The following APLF variants were observed in gnomAD, a reference collection of about 807,000 sequenced individuals.
APLF encodes aprataxin and PNKP like factor.
In APLF, 61 loss-of-function variants were observed where a neutral mutation model predicts 55.6. That is an observed-to-expected ratio of 1.10 (90% CI 0.89 to 1.36). The LOEUF (loss-of-function observed/expected upper bound fraction) is 1.36, where lower values mean the gene tolerates loss of function less well. Among genes scored for constraint, APLF ranks in the 40% most tolerant of loss-of-function variants. The pLI, the probability that APLF is intolerant of heterozygous loss-of-function variation, is 0.00. For missense variants in APLF, 611 were observed against 602.5 expected, an observed-to-expected ratio of 1.01 and a Z score of -0.15; for synonymous variants, 207 against 214.8, an observed-to-expected ratio of 0.96 and a Z score of 0.32.
intron 1 of APLF, among the ~76,000 whole-genome samples, chr2:68,481,384 T>TTTGTTTTGTTTTTG (rs1359145048): frequency 2.0e-5 from 3 of 146,886 alleles, no homozygotes; most frequent in East Asian, 4.0e-4. Flanking sequence ...TTTGTTTTGT[T>TTTGTTTTGTTTTTG]TTTGTTTGTT....
At chr2:68,491,827 C>T (rs1676369404) in intron 2 of APLF, among the ~76,000 whole-genome samples, 1 of 152,142 alleles carries the variant, frequency 6.6e-6, no homozygotes, top group Non-Finnish European at 1.5e-5. Context: ...CCACTGTGTC[C>T]ATGTCAGCAC....
In APLF at chr2:68,577,838, A is replaced by T. The variant is rs1236734718; in HGVS notation, c.1352A>T (p.Glu451Val). The T allele has an allele frequency of 6.2e-7, 1 of 1,613,232 alleles. No homozygotes were observed. The highest frequency in any genetic ancestry group is 1.3e-5 in the African/African-American group (1 of 74,858). ...TTTGCAGTGAGAAATGTTTTAGATGAAGATAATGATAATGTTGGGCAACCC... is the reference window on the plus strand; with the variant it reads ...TTTGCAGTGAGAAATGTTTTAGATGTAGATAATGATAATGTTGGGCAACCC... ...NTLPVRNVLDEDNDNVGQPNE... is the reference protein window; with the variant it reads ...NTLPVRNVLDVDNDNVGQPNE... The change falls in exon 10 of 10, where the codon GAA becomes GTA. Residue 451 changes from glutamate (E) to valine (V), a missense_variant. Physicochemically the swap from Glu to Val is moderately radical, Grantham distance 121. Transcript: ENST00000303795.
chr2:68,512,905 A>G (rs1024929256), intron 3 of APLF, among the ~76,000 whole-genome samples, 175 bp from the exon 4 acceptor site: 2 of 151,762 alleles, frequency 1.3e-5, no homozygotes, highest in East Asian at 3.9e-4. Flanking sequence ...TTTTATGGCA[A>G]TACAGCAGGT....
At chr2:68,531,094 C>G (rs994144907) in intron 6 of APLF, among the ~76,000 whole-genome samples, 2 of 152,186 alleles carry the variant, frequency 1.3e-5, no homozygotes, top group African/African-American at 2.4e-5. Context: ...GACAGTATTT[C>G]TAGACCTTCT....
chr2:68,540,942 A>G (rs1670530529), intron 7 of APLF, among the ~76,000 whole-genome samples: 1 of 152,210 alleles, frequency 6.6e-6, no homozygotes. Context: ...ATGCAGTTTA[A>G]TATTGGTGCA....
intron 6 of APLF, among the ~76,000 whole-genome samples, chr2:68,536,736 C>T (rs979437525): frequency 6.6e-6 from 1 of 152,068 alleles, no homozygotes; most frequent in African/African-American, 2.4e-5. Context: ...TTAAAGGAAT[C>T]CTATCTTTTT....
At chr2:68,513,378 G>A (rs1669465680) in intron 4 of APLF, 151 bp downstream of exon 4, 1 of 1,249,136 alleles carries the variant, frequency 8.0e-7, no homozygotes, top group Non-Finnish European at 1.1e-6. Flanking sequence ...GAATATGGCA[G>A]TAATCCAACA....
In APLF at chr2:68,578,054, A is replaced by C; in HGVS notation, c.*32A>C. On this transcript the variant is annotated 3_prime_UTR_variant, in exon 10 of 10. Transcript: ENST00000303795. Reference sequence around the variant, plus strand: ...ACTTCTGTAGTCATATCTGCCTTACATTTACTTTTTCTTTGTGGGAAAACA... The same window carrying C: ...ACTTCTGTAGTCATATCTGCCTTACCTTTACTTTTTCTTTGTGGGAAAACA... 6.3e-7 allele frequency: 1 copy of C among 1,590,752 alleles called. No homozygotes were observed. The highest frequency in any genetic ancestry group is 1.4e-5 in the African/African-American group (1 of 73,736).
chr2:68,473,724 A>G (rs763479405), intron 1 of APLF, among the ~76,000 whole-genome samples: 6 of 152,212 alleles, frequency 3.9e-5, no homozygotes, highest in Non-Finnish European at 7.3e-5. Flanking sequence ...GATGTGAGGT[A>G]AATCACTTTT....
rs1166925184 is a variant in APLF, at chr2:68,513,066, AT to A, written c.342-10del. ...AATTTAAAATTAAAGACCAGTTTCTATTTTATCTTATAGAAACAGTCAAGTG... is the reference window on the plus strand; with the variant it reads ...AATTTAAAATTAAAGACCAGTTTCTATTTATCTTATAGAAACAGTCAAGTG... On this transcript the variant is annotated splice_polypyrimidine_tract_variant and intron_variant, in intron 3 of 9. Coordinates refer to ENST00000303795, the MANE Select transcript of APLF (RefSeq NM_173545.3). The A allele has an allele frequency of 6.3e-6, 10 of 1,588,796 alleles. No homozygotes were observed. The highest frequency in any genetic ancestry group is 8.6e-6 in the Non-Finnish European group (10 of 1,166,940).
intron 4 of APLF, 90 bp from the exon 5 acceptor site, chr2:68,513,458 A>G (rs554442338): frequency 7.0e-7 from 1 of 1,423,660 alleles, no homozygotes; most frequent in Non-Finnish European, 9.6e-7. Context: ...GCATATGGGT[A>G]TTTTAATGGT....
Position 68,537,888 on chromosome 2 carries a change from TTTCTGCAATCACATTAA to T in APLF, c.822_838del (p.Phe274LeufsTer2). On this transcript the variant is annotated frameshift_variant, in exon 7 of 10. Coordinates refer to ENST00000303795, the MANE Select transcript of APLF (RefSeq NM_173545.3). LOFTEE classifies it high-confidence loss of function. ...GTTTTACAGGAAATGCCACAATCAT[TTTCTGCAATCACATTAA>T]GTAACACAGAGATGAATAATATTAA... is the stretch of plus-strand genomic sequence containing the variant. 1.9e-6 allele frequency: 3 copies of T among 1,567,624 alleles called. No individual in the cohort carries two copies. Among genetic ancestry groups the T allele is most frequent in the Non-Finnish European group, 2.6e-6 (3 of 1,159,916 alleles).
In APLF at chr2:68,509,120, A is replaced by G. The variant is rs191233748; in HGVS notation, c.342-3960A>G. On this transcript the variant is annotated intron_variant, in intron 3 of 9. Transcript: ENST00000303795. The stretch of plus-strand genomic sequence containing the variant: ...TTAGACCTAAAACCATAAAAACCCT[A>G]GAAGAAAACCTAGGCAATACCATTC... 2.1e-3 allele frequency among the ~76,000 whole-genome samples: 323 copies of G among 152,264 alleles called. 1 individual carries two copies. Among genetic ancestry groups the G allele is most frequent in the African/African-American group, 7.3e-3 (302 of 41,562 alleles).
intron 5 of APLF, among the ~76,000 whole-genome samples, chr2:68,517,941 G>A (rs903882290): frequency 5.0e-5 from 7 of 140,988 alleles, no homozygotes; most frequent in Non-Finnish European, 7.6e-5. Flanking sequence ...ATATATAACC[G>A]TAATATATCA....
chr2:68,577,450 A>G (rs184191890), intron 9 of APLF, among the ~76,000 whole-genome samples: 17 of 152,186 alleles, frequency 1.1e-4, no homozygotes, highest in Non-Finnish European at 2.2e-4. Context: ...ATTTCCACTC[A>G]CATTTCTTTG....
chr2:68,543,764 A>C (rs1670622135), intron 7 of APLF, among the ~76,000 whole-genome samples: 1 of 152,156 alleles, frequency 6.6e-6, no homozygotes, highest in South Asian at 2.1e-4. Flanking sequence ...CATGGTATTG[A>C]AAACGTACTT....
chr2:68,511,934 T>C (rs1380882041), intron 3 of APLF, among the ~76,000 whole-genome samples: 1 of 151,740 alleles, frequency 6.6e-6, no homozygotes, highest in East Asian at 1.9e-4. Flanking sequence ...TGAAGGAGAT[T>C]ATTCCCTGTA....
chr2:68,529,888 C>T lies in APLF; in HGVS notation c.804+3646C>T, dbSNP rs1008049768. The stretch of plus-strand genomic sequence containing the variant: ...GGGTTACAGGGCCAGAACCTGGAAG[C>T]AGAGCGCAGGACCAGCCAGATCCCG... On this transcript the variant is annotated intron_variant, in intron 6 of 9. Transcript: ENST00000303795. The surrounding 1 kb of genome is among the most constrained non-coding windows in gnomAD (Gnocchi z 4.4). 2.6e-5 allele frequency among the ~76,000 whole-genome samples: 4 copies of T among 152,234 alleles called. No homozygotes were observed. Among genetic ancestry groups the T allele is most frequent in the African/African-American group, 9.6e-5 (4 of 41,460 alleles).
intron 5 of APLF, among the ~76,000 whole-genome samples, chr2:68,518,334 A>G (rs1316917871): frequency 2.7e-5 from 3 of 112,954 alleles, no homozygotes; most frequent in African/African-American, 3.7e-5. Flanking sequence ...TAATATATTA[A>G]TAAATAATTA....
Sources: allele counts gnomAD v4.1 joint callset (sites outside exome capture counted in the v4.1 genomes callset), GRCh38; gene constraint gnomAD v4.1.1; non-coding constraint Gnocchi (gnomAD v3.1); transcripts MANE v1.5; gene names NCBI Gene and HGNC (gene_info 2026-07-23, HGNC 2026-07-21).